Variants in NEK10 observed in about 807,000 individuals in gnomAD.
NEK10 encodes serine/threonine-protein kinase Nek10.
Under a neutral mutation model 159.8 loss-of-function variants are expected in NEK10, and 122 were observed. That is an observed-to-expected ratio of 0.76 (90% CI 0.66 to 0.89). The LOEUF (loss-of-function observed/expected upper bound fraction) is 0.89, where lower values mean the gene tolerates loss of function less well. Among genes scored for constraint, NEK10 ranks in the 40% least tolerant of loss-of-function variants. The pLI, the probability that NEK10 is intolerant of heterozygous loss-of-function variation, is 0.00. For missense variants in NEK10, 1,342 were observed against 1,323.1 expected (o/e 1.01, Z -0.22); for synonymous variants, 466 against 457.1 (o/e 1.02, Z -0.25).
chr3:27,347,443 G>T (rs1196017214), intron 3 of NEK10, among the ~76,000 whole-genome samples: 2 of 129,856 alleles, frequency 1.5e-5, no homozygotes, highest in African/African-American at 6.0e-5. Flanking sequence ...CAGAGGTTGC[G>T]ATAAGCCAAG....
chr3:27,329,067 T>A (rs2046215433), intron 5 of NEK10, among the ~76,000 whole-genome samples: 1 of 152,138 alleles, frequency 6.6e-6, no homozygotes, highest in African/African-American at 2.4e-5. Context: ...TGGGAGGTAT[T>A]TAATCATGGG....
chr3:27,138,078 T>G (rs1361117603), intron 31 of NEK10, among the ~76,000 whole-genome samples: 1 of 152,174 alleles, frequency 6.6e-6, no homozygotes, highest in East Asian at 1.9e-4. Context: ...GTTTCCTGGC[T>G]CCAGTGATGC....
intron 1 of NEK10, 82 bp from the exon 2 acceptor site, chr3:27,353,001 T>A (rs2048079922): frequency 1.6e-6 from 1 of 639,002 alleles, no homozygotes; most frequent in African/African-American, 1.8e-5. Flanking sequence ...AAAACCCACT[T>A]ATAACATCTA....
At chr3:27,285,457 CT>C (rs2042511160) in intron 20 of NEK10, among the ~76,000 whole-genome samples, 1 of 151,158 alleles carries the variant, frequency 6.6e-6, no homozygotes, top group Non-Finnish European at 1.5e-5. Context: ...ATGCCATGGT[CT>C]TGCAATGACA....
rs191029315 is a variant in NEK10, at chr3:27,222,723, T to C, written c.2091-20166A>G. ...AAAATATATTTTGGTTAAACTGTAA[T>C]ATATGGCTTAAAAATTGAACCAGTA... is the stretch of plus-strand genomic sequence containing the variant. On this transcript the variant is annotated intron_variant, in intron 23 of 35. Coordinates refer to ENST00000691995, the MANE Select transcript of NEK10 (RefSeq NM_001394966.1). 1.0e-3 allele frequency among the ~76,000 whole-genome samples: 157 copies of C among 152,124 alleles called. 1 individual carries two copies. Among genetic ancestry groups the C allele is most frequent in the Non-Finnish European group, 1.9e-3 (132 of 68,000 alleles).
At chr3:27,331,237 C>CA (rs11351970) in intron 5 of NEK10, among the ~76,000 whole-genome samples, 12 of 29,570 alleles carry the variant, frequency 4.1e-4, no homozygotes, top group East Asian at 2.0e-3. Flanking sequence ...GACTCTGTCT[C>CA]AAAAAAAAAA....
chr3:27,368,411 A>G (rs1038941643), intron 1 of NEK10, among the ~76,000 whole-genome samples: 4 of 152,162 alleles, frequency 2.6e-5, no homozygotes, highest in African/African-American at 9.7e-5. Flanking sequence ...GAATCGGAGA[A>G]GCCAGATGGG....
chr3:27,303,572 A>G (rs1252914910), intron 12 of NEK10, among the ~76,000 whole-genome samples: 9 of 152,230 alleles, frequency 5.9e-5, no homozygotes, highest in Admixed American at 3.9e-4. Flanking sequence ...TTTATACTAT[A>G]AAGTAATTGA....
intron 26 of NEK10, among the ~76,000 whole-genome samples, chr3:27,177,135 A>C (rs1947579016): frequency 6.6e-6 from 1 of 152,202 alleles, no homozygotes; most frequent in South Asian, 2.1e-4. Flanking sequence ...TCCACGGGTA[A>C]TTGACTGTTT....
chr3:27,352,658 C>A, intron 2 of NEK10, 133 bp from the exon 3 acceptor site: 2 of 818,362 alleles, frequency 2.4e-6, no homozygotes, highest in Non-Finnish European at 4.1e-6. Context: ...TAAACATTTT[C>A]TTTAGAACAC....
At chr3:27,220,219 G>T (rs1433495844) in intron 23 of NEK10, among the ~76,000 whole-genome samples, 4 of 152,166 alleles carry the variant, frequency 2.6e-5, no homozygotes, top group African/African-American at 9.7e-5. Flanking sequence ...GTCCTGAATT[G>T]CTCTAAATTG....
intron 23 of NEK10, among the ~76,000 whole-genome samples, chr3:27,218,195 A>G (rs1307223618): frequency 6.6e-6 from 1 of 152,226 alleles, no homozygotes; most frequent in Non-Finnish European, 1.5e-5. Flanking sequence ...ATTTCACCAC[A>G]CTGCGCAGAA....
intron 24 of NEK10, 31 bp downstream of exon 24, chr3:27,202,397 C>T (rs373818088): frequency 2.4e-4 from 379 of 1,581,476 alleles, no homozygotes; most frequent in Non-Finnish European, 3.1e-4. Flanking sequence ...TTTAGCTACA[C>T]GAGACCCTTC....
At chr3:27,232,820 A>G (rs1411199769) in intron 23 of NEK10, among the ~76,000 whole-genome samples, 1 of 151,950 alleles carries the variant, frequency 6.6e-6, no homozygotes, top group Non-Finnish European at 1.5e-5. Flanking sequence ...GAAAGGATAC[A>G]CTATTCAATA....
chr3:27,230,731 G>A (rs1054389392), intron 23 of NEK10, among the ~76,000 whole-genome samples: 4 of 151,934 alleles, frequency 2.6e-5, no homozygotes, highest in African/African-American at 9.7e-5. Flanking sequence ...TCTTATATGA[G>A]ACAAAACAGA....
Position 27,346,105 on chromosome 3 carries a change from C to T in NEK10, c.244G>A (p.Val82Ile), listed in dbSNP as rs2047533063. 1 of 1,613,594 alleles carries T rather than the reference C, an allele frequency of 6.2e-7. No individual in the cohort carries two copies. Among genetic ancestry groups the T allele is most frequent in the Admixed American group, 1.7e-5 (1 of 59,966 alleles). The change falls in exon 4 of 36, where the codon GTT becomes ATT. Residue 82 changes from valine (V) to isoleucine (I), a missense_variant. Coordinates refer to ENST00000691995, the MANE Select transcript of NEK10 (RefSeq NM_001394966.1). ...RGQWHESTEAVELENFSINYK... is the reference protein window; with the variant it reads ...RGQWHESTEAIELENFSINYK... ...TCTTACCTAAAATTTTCAAGTTCAACAGCTTCTGTGGATTCATGCCACTGA... is the reference window on the plus strand; with the variant it reads ...TCTTACCTAAAATTTTCAAGTTCAATAGCTTCTGTGGATTCATGCCACTGA...
At chr3:27,202,628 G>T in intron 23 of NEK10, 71 bp from the exon 24 acceptor site, 3 of 1,387,568 alleles carry the variant, frequency 2.2e-6, no homozygotes, top group Non-Finnish European at 2.8e-6. Flanking sequence ...CAATTTTCAA[G>T]CTTTATTGGA....
At chr3:27,271,008 C>A (rs934950154) in intron 22 of NEK10, among the ~76,000 whole-genome samples, 1 of 152,034 alleles carries the variant, frequency 6.6e-6, no homozygotes, top group African/African-American at 2.4e-5. Context: ...TCATTTCTAA[C>A]TAGTATGAAA....
intron 23 of NEK10, chr3:27,215,940 T>C: frequency 1.7e-6 from 1 of 596,294 alleles, no homozygotes; most frequent in Non-Finnish European, 3.1e-6. Flanking sequence ...AAGGGAGAAA[T>C]TCGCCCCCAT....
Sources: gnomAD v4.1 joint callset for allele counts (sites outside exome capture counted in the v4.1 genomes callset) on GRCh38, gnomAD v4.1.1 for gene constraint, MANE v1.5 for transcripts, NCBI Gene and HGNC (gene_info 2026-07-23, HGNC 2026-07-21) for gene names.